ATXN2L: variants seen among roughly 807,000 people sequenced by gnomAD.
ATXN2L encodes ataxin 2 like, also known as ataxin-2-like protein.
ATXN2L carries 24 observed loss-of-function variants against 120.7 expected under a neutral mutation model. That is an observed-to-expected ratio of 0.20 (90% confidence interval 0.14 to 0.28). The LOEUF is 0.28. Among genes scored for constraint, ATXN2L ranks in the 10% least tolerant of loss-of-function variants. ATXN2L has a pLI of 1.00. For synonymous variants in ATXN2L, 653 were observed against 568.1 expected (o/e 1.15, Z -2.13); for missense variants, 1,312 against 1,432.3 (o/e 0.92, Z 1.36).
At chr16:28,835,448 C>T (rs1960130132) in intron 20 of ATXN2L, 49 bp downstream of exon 20, 1 of 1,611,276 alleles carries the variant, frequency 6.2e-7, no homozygotes, top group Non-Finnish European at 8.5e-7. Flanking sequence ...GAATGGGTGG[C>T]CAGAAGAAGG....
chr16:28,824,685 T>G, intron 1 of ATXN2L: 1 of 884,844 alleles, frequency 1.1e-6, no homozygotes, highest in Non-Finnish European at 1.5e-6. Flanking sequence ...GCTAGGTAGT[T>G]CCAAAGCTGC....
intron 19 of ATXN2L, 28 bp downstream of exon 19, chr16:28,835,215 C>T (rs1959915727): frequency 7.5e-6 from 12 of 1,609,532 alleles, no homozygotes; most frequent in African/African-American, 1.3e-5. Flanking sequence ...TCCCTCTGCT[C>T]TGGGCTGTGT....
chr16:28,833,401 G>A, intron 14 of ATXN2L, 38 bp from the exon 15 acceptor site: 1 of 1,614,104 alleles, frequency 6.2e-7, no homozygotes. Context: ...GGAGGGATGA[G>A]AGCAAGCCGT....
chr16:28,824,292 T>C (rs2050872224), intron 1 of ATXN2L: 1 of 1,146,136 alleles, frequency 8.7e-7, no homozygotes, highest in African/African-American at 1.6e-5. Context: ...CCTGTGCGAG[T>C]GTGTGTGTGT....
In ATXN2L at chr16:28,832,573, G is replaced by A. The variant is rs773492873; in HGVS notation, c.1588+6G>A. On this transcript the variant is annotated splice_donor_region_variant and intron_variant, in intron 12 of 21. Transcript: ENST00000336783. Reference sequence around the variant, plus strand: ...GGCTCGGATAGCTGGGAAAGGTGAGGGTGGTTTTTTTTCTGCTGAGGATTA... The same window carrying A: ...GGCTCGGATAGCTGGGAAAGGTGAGAGTGGTTTTTTTTCTGCTGAGGATTA... The A allele has an allele frequency of 3.7e-6, 6 of 1,614,024 alleles. No individual in the cohort carries two copies. Among genetic ancestry groups the A allele is most frequent in the Non-Finnish European group, 5.1e-6 (6 of 1,179,902 alleles).
At chr16:28,829,015 G>A (rs2053346572) in intron 6 of ATXN2L, among the ~76,000 whole-genome samples, 2 of 152,190 alleles carry the variant, frequency 1.3e-5, no homozygotes, top group East Asian at 3.8e-4. Flanking sequence ...ACAGGCATGA[G>A]CCACCACGCC....
Position 28,835,380 on chromosome 16 carries a change from C to T in ATXN2L, c.2666C>T (p.Ala889Val), listed in dbSNP as rs763582122. Reference protein sequence around the residue: ...PTGSQPQSQHAAPSPVQHQAG... With the variant: ...PTGSQPQSQHVAPSPVQHQAG... ...GGAAGCCAGCCGCAGTCCCAGCATG[C>T]GGCCCCCAGTCCTGTCCAGGTGCCT... The change falls in exon 20 of 22, where the codon GCG (alanine) becomes GTG (valine). Residue 889 changes from alanine to valine, a missense_variant. Coordinates refer to ENST00000336783, the MANE Select transcript of ATXN2L (RefSeq NM_007245.4). The T allele has an allele frequency of 1.2e-5, 19 of 1,612,720 alleles. No homozygotes were observed. The highest frequency in any genetic ancestry group is 1.5e-5 in the Non-Finnish European group (18 of 1,179,950).
At position 28,829,539 on chromosome 16, in the gene ATXN2L, C is replaced by T. The variant is rs1041150975; in HGVS notation, c.833+47C>T. The T allele has an allele frequency of 2.9e-6, 4 of 1,374,022 alleles. No homozygotes were observed. The African/African-American group carries it at 5.7e-5, about 20-fold the overall frequency. 85.1% of individuals were successfully genotyped at this position (1,374,022 alleles called of 1,614,324 possible). On this transcript the variant is annotated intron_variant, in intron 7 of 21. Coordinates refer to ENST00000336783, the MANE Select transcript of ATXN2L (RefSeq NM_007245.4). ...AGGTGATGTGTTGGTGATATGGGGT[C>T]ACTAAGTGAAGACAGGTTTCCAGGT...
In ATXN2L at chr16:28,832,289, C is replaced by T. The variant is rs145394539; in HGVS notation, c.1406C>T (p.Ser469Leu). 6.3e-4 allele frequency: 1,024 copies of T among 1,614,160 alleles called. 2 individuals are homozygous for T. The highest frequency in any genetic ancestry group is 8.2e-4 in the Non-Finnish European group (966 of 1,180,042). Residue 469 changes from serine (S) to leucine (L), a missense_variant, in exon 11 of 22, where the codon TCG (serine) becomes TTG (leucine). Ser to Leu is a moderately radical substitution (Grantham distance 145). Coordinates refer to ENST00000336783, the MANE Select transcript of ATXN2L (RefSeq NM_007245.4). ...TCCTGTCCAGAGCCTCCCATCGGCT[C>T]GGCAGTGCCAACCTCTTCAGCCTCC... The part of the protein sequence containing the change: ...SASCPEPPIG[S>L]AVPTSSASIP...
At chr16:28,825,491 T>G in intron 2 of ATXN2L, 89 bp downstream of exon 2, 2 of 1,528,286 alleles carry the variant, frequency 1.3e-6, no homozygotes, top group Non-Finnish European at 1.8e-6. Context: ...CTAGATAGAG[T>G]CTAATGTACT....
chr16:28,836,830 T>G lies in ATXN2L; in HGVS notation c.*565T>G, dbSNP rs200216476. The G allele has an allele frequency of 3.3e-5, 53 of 1,606,908 alleles. No individual in the cohort carries two copies. Among genetic ancestry groups the G allele is most frequent in the Non-Finnish European group, 4.3e-5 (51 of 1,174,118 alleles). The stretch of plus-strand genomic sequence containing the variant: ...TCCATGAGTGGAGGGAAGAGTGATC[T>G]ATGTCTCTTCCCCCAGCAGCTCGGA... On this transcript the variant is annotated 3_prime_UTR_variant, in exon 22 of 22. Transcript: ENST00000336783.
intron 6 of ATXN2L, among the ~76,000 whole-genome samples, chr16:28,827,874 C>T (rs2052757838): frequency 6.6e-6 from 1 of 152,246 alleles, no homozygotes; most frequent in Admixed American, 6.5e-5. Context: ...TGAATGGCCA[C>T]TGTGCTCCAG....
chr16:28,830,839 A>G (rs2054103407), intron 9 of ATXN2L, 49 bp downstream of exon 9: 1 of 1,549,246 alleles, frequency 6.5e-7, no homozygotes, highest in East Asian at 2.3e-5. Context: ...GGGGATGCCA[A>G]GGAGGTGGGA....
intron 5 of ATXN2L, 156 bp downstream of exon 5, chr16:28,826,546 G>C (rs2052073948): frequency 1.2e-6 from 1 of 821,056 alleles, no homozygotes. Flanking sequence ...AGCGAAGTGG[G>C]TGGATTTTTC....
At chr16:28,824,806 A>G (rs1006988283) in intron 1 of ATXN2L, 5 of 180,970 alleles carry the variant, frequency 2.8e-5, no homozygotes, top group Admixed American at 2.5e-4. Context: ...TCTTAGAGCA[A>G]TTGACAACCA....
At chr16:28,826,466 C>A in intron 5 of ATXN2L, 76 bp downstream of exon 5, 1 of 1,489,130 alleles carries the variant, frequency 6.7e-7, no homozygotes. Context: ...GCAGGTGGAA[C>A]ATGGTGATGT....
Position 28,825,767 on chromosome 16 carries a change from C to G in ATXN2L, c.394-3C>G. 6.2e-7 allele frequency: 1 copy of G among 1,614,026 alleles called. No homozygotes were observed. Among genetic ancestry groups the G allele is most frequent in the Non-Finnish European group, 8.5e-7 (1 of 1,179,916 alleles). ...ACTCTTCTTATTTTTCCCACTCTGC[C>G]AGGGCTCCACTTGTGATGTAAAGGT... is the stretch of plus-strand genomic sequence containing the variant. On this transcript the variant is annotated splice_polypyrimidine_tract_variant and splice_region_variant and intron_variant, in intron 3 of 21. Coordinates refer to ENST00000336783, the MANE Select transcript of ATXN2L (RefSeq NM_007245.4).
chr16:28,829,908 G>A lies in ATXN2L; in HGVS notation c.884G>A (p.Arg295His), dbSNP rs1194199638. Residue 295 changes from arginine (R) to histidine (H), a missense_variant, in exon 8 of 22, where the codon CGT (arginine) becomes CAT (histidine). Physicochemically the swap from Arg to His is conservative, Grantham distance 29. Coordinates refer to ENST00000336783, the MANE Select transcript of ATXN2L (RefSeq NM_007245.4). ...NSEEFRQREL[R>H]AAQLAREIES... ...GAAGAGTTTCGTCAGCGAGAGCTGC[G>A]TGCGGCCCAGTTGGCTCGAGAGATT... 5.0e-6 allele frequency: 8 copies of A among 1,614,122 alleles called. No individual in the cohort carries two copies. Among genetic ancestry groups the A allele is most frequent in the African/African-American group, 1.3e-5 (1 of 74,928 alleles).
At chr16:28,824,920 A>G (rs2051251527) in intron 1 of ATXN2L, among the ~76,000 whole-genome samples, 1 of 151,996 alleles carries the variant, frequency 6.6e-6, no homozygotes, top group African/African-American at 2.4e-5. Context: ...TGAAAATCTT[A>G]TTTATTGGCC....
Sources: allele counts gnomAD v4.1 joint callset (sites outside exome capture counted in the v4.1 genomes callset), GRCh38; gene constraint gnomAD v4.1.1; transcripts MANE v1.5; gene names NCBI Gene and HGNC (gene_info 2026-07-23, HGNC 2026-07-21).